The following LTBP2 variants were observed in gnomAD, a reference collection of about 807,000 sequenced individuals.
LTBP2 encodes latent-transforming growth factor beta-binding protein 2.
Under a neutral mutation model 210.6 loss-of-function variants are expected in LTBP2, and 103 were observed. The observed-to-expected ratio is 0.49, with a 90% CI of 0.42 to 0.58. LTBP2 has a LOEUF of 0.58. LTBP2 is among the 20% of genes least tolerant of loss of function. The pLI is 0.00. For missense variants in LTBP2, 2,313 were observed against 2,494.5 expected (o/e 0.93, Z 1.55); for synonymous variants, 1,007 against 1,015.0 (o/e 0.99, Z 0.15).
chr14:74,603,116 G>T (rs907792645), intron 2 of LTBP2, among the ~76,000 whole-genome samples: 1 of 152,218 alleles, frequency 6.6e-6, no homozygotes, highest in Non-Finnish European at 1.5e-5. Context: ...GAGAAGCTGT[G>T]TCCAGCTGGA....
chr14:74,556,721 T>C (rs1253372554), intron 3 of LTBP2, among the ~76,000 whole-genome samples: 1 of 152,210 alleles, frequency 6.6e-6, no homozygotes, highest in Non-Finnish European at 1.5e-5. Context: ...TTTTGCCATG[T>C]TGGCCAGGCT....
At chr14:74,504,163 C>G (rs2086952559) in intron 30 of LTBP2, 109 bp from the exon 31 acceptor site, 2 of 1,417,106 alleles carry the variant, frequency 1.4e-6, no homozygotes, top group Admixed American at 1.9e-5. Context: ...CTGCCACTTA[C>G]TAGGTGGCTT....
intron 15 of LTBP2, among the ~76,000 whole-genome samples, chr14:74,523,435 G>A (rs2087234333): frequency 1.3e-5 from 2 of 152,066 alleles, no homozygotes; most frequent in African/African-American, 4.8e-5. Flanking sequence ...AAAGGTGGGG[G>A]TGGGTCAGAG....
intron 3 of LTBP2, among the ~76,000 whole-genome samples, chr14:74,563,693 A>G (rs1435341180): frequency 1.3e-5 from 2 of 152,102 alleles, no homozygotes; most frequent in African/African-American, 4.8e-5. Context: ...TTAAGCATCT[A>G]TAAAGTTTAA....
chr14:74,532,275 G>T (rs2087359504), intron 10 of LTBP2, 151 bp downstream of exon 10: 2 of 1,039,340 alleles, frequency 1.9e-6, no homozygotes, highest in Non-Finnish European at 2.9e-6. Context: ...TTCACATTGG[G>T]CCCAACTCCA....
chr14:74,542,165 G>A (rs1354674131), intron 8 of LTBP2, among the ~76,000 whole-genome samples: 1 of 152,218 alleles, frequency 6.6e-6, no homozygotes, highest in East Asian at 1.9e-4. Context: ...CAGGACAGAT[G>A]TGGGGAACCT....
At chr14:74,526,544 A>G (rs1228091629) in intron 13 of LTBP2, among the ~76,000 whole-genome samples, 1 of 152,208 alleles carries the variant, frequency 6.6e-6, no homozygotes, top group East Asian at 1.9e-4. Flanking sequence ...CAACATAGCC[A>G]GTGGACAGAA....
At chr14:74,526,054 C>T in intron 14 of LTBP2, 21 bp downstream of exon 14, 8 of 1,596,478 alleles carry the variant, frequency 5.0e-6, no homozygotes, top group Non-Finnish European at 6.8e-6. Context: ...TGCCTAGGAG[C>T]CGCCAGGAAG....
intron 34 of LTBP2, among the ~76,000 whole-genome samples, chr14:74,502,237 C>T (rs1442079950): frequency 6.6e-6 from 1 of 152,168 alleles, no homozygotes; most frequent in African/African-American, 2.4e-5. Context: ...CGAGTCATCA[C>T]GGTGGGCCTT....
intron 13 of LTBP2, 132 bp downstream of exon 13, chr14:74,527,215 A>T: frequency 1.7e-6 from 2 of 1,194,176 alleles, no homozygotes; most frequent in South Asian, 1.3e-5. Flanking sequence ...CATCTCTTCA[A>T]GTAAAATCTA....
At chr14:74,583,328 C>T (rs1428600444) in intron 3 of LTBP2, among the ~76,000 whole-genome samples, 1 of 152,212 alleles carries the variant, frequency 6.6e-6, no homozygotes, top group African/African-American at 2.4e-5. Context: ...GAGAGGCCAG[C>T]AACTGCTTGA....
chr14:74,503,014 T>C (rs1350283575), intron 33 of LTBP2, 80 bp from the exon 34 acceptor site: 1 of 1,567,606 alleles, frequency 6.4e-7, no homozygotes, highest in East Asian at 2.2e-5. Flanking sequence ...TCTGGGAGCA[T>C]GCAAGGACTG....
At chr14:74,567,871 G>A (rs1336572479) in intron 3 of LTBP2, among the ~76,000 whole-genome samples, 1 of 152,164 alleles carries the variant, frequency 6.6e-6, no homozygotes, top group Non-Finnish European at 1.5e-5. Context: ...AGGGCCCGCA[G>A]GCAGTCTGAG....
chr14:74,534,096 T>C (rs1010198818), intron 9 of LTBP2, among the ~76,000 whole-genome samples: 2 of 152,054 alleles, frequency 1.3e-5, no homozygotes, highest in African/African-American at 2.4e-5. Flanking sequence ...AGGGTGCCAA[T>C]AAGAGCTGGG....
intron 12 of LTBP2, 152 bp downstream of exon 12, chr14:74,528,331 G>A: frequency 1.1e-6 from 1 of 872,568 alleles, no homozygotes; most frequent in East Asian, 2.6e-5. Flanking sequence ...AGAGAAGGCT[G>A]CCAGGGTTGG....
chr14:74,551,104 C>T lies in LTBP2; in HGVS notation c.1646G>A (p.Gly549Glu). The change falls in exon 7 of 36, where the codon GGA becomes GAA. Residue 549 changes from glycine to glutamate, a missense_variant. Coordinates refer to ENST00000261978, the MANE Select transcript of LTBP2 (RefSeq NM_000428.3). The stretch of plus-strand genomic sequence containing the variant: ...GTTCAGGTAACACCGGCCCAGCAGT[C>T]CTCGAGGCCTGGGTGCTGCTGGGGG... The part of the protein sequence containing the change: ...PLPPAAPRPR[G>E]LLGRCYLNTV... 6.2e-7 allele frequency: 1 copy of T among 1,613,856 alleles called. No homozygotes were observed. The highest frequency in any genetic ancestry group is 1.1e-5 in the South Asian group (1 of 91,084).
chr14:74,589,294 T>C (rs1357487688), intron 2 of LTBP2, among the ~76,000 whole-genome samples: 1 of 152,156 alleles, frequency 6.6e-6, no homozygotes, highest in Non-Finnish European at 1.5e-5. Context: ...CTGGACCCTC[T>C]AACCCAGGCT....
intron 3 of LTBP2, among the ~76,000 whole-genome samples, chr14:74,576,865 A>G (rs1480570118): frequency 6.6e-6 from 1 of 152,220 alleles, no homozygotes; most frequent in Non-Finnish European, 1.5e-5. Context: ...ACAGCTAAAA[A>G]GTAATAACAA....
chr14:74,549,240 G>C (rs187578519), intron 8 of LTBP2, among the ~76,000 whole-genome samples: 10 of 152,364 alleles, frequency 6.6e-5, no homozygotes, highest in African/African-American at 2.4e-4. Flanking sequence ...GGAGAGCATC[G>C]TGAACAGGCA....
Sources: gnomAD v4.1 joint callset for allele counts (sites outside exome capture counted in the v4.1 genomes callset) on GRCh38, gnomAD v4.1.1 for gene constraint, MANE v1.5 for transcripts, NCBI Gene and HGNC (gene_info 2026-07-23, HGNC 2026-07-21) for gene names.